NDUFAF2: variants seen among roughly 807,000 people sequenced by gnomAD.
The protein encoded by NDUFAF2 is NADH:ubiquinone oxidoreductase complex assembly factor 2.
Under a neutral mutation model 22.8 loss-of-function variants are expected in NDUFAF2, and 13 were observed. That is an observed-to-expected ratio of 0.57 (90% CI 0.37 to 0.91). The LOEUF (loss-of-function observed/expected upper bound fraction) is 0.91. Among genes scored for constraint, NDUFAF2 ranks in the 40% least tolerant of loss-of-function variants. The pLI is 0.01. For missense variants in NDUFAF2, 162 were observed against 195.2 expected (o/e 0.83, Z 1.01); for synonymous variants, 53 against 64.2 (o/e 0.83, Z 0.84).
At chr5:61,067,114 C>T (rs1319114312) in intron 1 of NDUFAF2, among the ~76,000 whole-genome samples, 1 of 151,926 alleles carries the variant, frequency 6.6e-6, no homozygotes, top group African/African-American at 2.4e-5. Context: ...AAAGGGATAA[C>T]TGTGAGATGA....
At chr5:61,003,753 T>G (rs1263893403) in intron 1 of NDUFAF2, among the ~76,000 whole-genome samples, 1 of 151,402 alleles carries the variant, frequency 6.6e-6, no homozygotes, top group South Asian at 2.1e-4. Flanking sequence ...TGGTCTCAAG[T>G]GATTCTTCCT....
intron 1 of NDUFAF2, among the ~76,000 whole-genome samples, chr5:60,970,656 G>A (rs1008201208): frequency 1.4e-4 from 22 of 152,170 alleles, no homozygotes; most frequent in African/African-American, 4.1e-4. Context: ...ATAATTTGAC[G>A]TCTTCCTTTT....
chr5:61,081,459 A>G (rs905595554), intron 2 of NDUFAF2, among the ~76,000 whole-genome samples: 1 of 152,330 alleles, frequency 6.6e-6, no homozygotes, highest in Admixed American at 6.5e-5. Context: ...AAAAAGTGTC[A>G]GAACTGACTC....
chr5:61,092,235 T>C (rs550845792), intron 2 of NDUFAF2, among the ~76,000 whole-genome samples: 52 of 152,328 alleles, frequency 3.4e-4, no homozygotes, highest in Middle Eastern at 6.8e-3. Context: ...CTAAAATATT[T>C]TTTTCTAGTT....
At chr5:60,981,250 A>G (rs1750973384) in intron 1 of NDUFAF2, among the ~76,000 whole-genome samples, 1 of 152,206 alleles carries the variant, frequency 6.6e-6, no homozygotes. Flanking sequence ...ACTTTTCAGT[A>G]AAAACCTTAC....
intron 1 of NDUFAF2, among the ~76,000 whole-genome samples, chr5:61,067,897 T>G (rs1049232495): frequency 6.6e-6 from 1 of 152,184 alleles, no homozygotes; most frequent in African/African-American, 2.4e-5. Flanking sequence ...GATTTGCATT[T>G]CTCTGATGGC....
At chr5:61,008,221 G>A (rs1445678944) in intron 1 of NDUFAF2, among the ~76,000 whole-genome samples, 2 of 151,636 alleles carry the variant, frequency 1.3e-5, no homozygotes, top group Admixed American at 6.6e-5. Context: ...GTTAATGGGT[G>A]CAGCGCACCA....
At chr5:61,051,696 G>A (rs1291313149) in intron 1 of NDUFAF2, among the ~76,000 whole-genome samples, 2 of 151,992 alleles carry the variant, frequency 1.3e-5, no homozygotes, top group African/African-American at 4.8e-5. Flanking sequence ...TGTTAGAATT[G>A]TGGTACAATA....
At chr5:60,985,083 G>T (rs1427922940) in intron 1 of NDUFAF2, among the ~76,000 whole-genome samples, 1 of 152,166 alleles carries the variant, frequency 6.6e-6, no homozygotes, top group Non-Finnish European at 1.5e-5. Context: ...CCTGTTATTG[G>T]TCTATTCAGA....
intron 2 of NDUFAF2, among the ~76,000 whole-genome samples, chr5:61,090,307 ATGT>A (rs1171994600): frequency 6.6e-6 from 1 of 152,032 alleles, no homozygotes; most frequent in Non-Finnish European, 1.5e-5. Context: ...CTCAACTCTA[ATGT>A]TGTAGCACAG....
chr5:61,026,699 T>A (rs1019865488), intron 1 of NDUFAF2, among the ~76,000 whole-genome samples: 1 of 152,098 alleles, frequency 6.6e-6, no homozygotes, highest in Non-Finnish European at 1.5e-5. Context: ...AAATGTGTTT[T>A]AAAAATTTTT....
At chr5:61,100,685 C>T (rs1752694975) in intron 3 of NDUFAF2, among the ~76,000 whole-genome samples, 1 of 152,218 alleles carries the variant, frequency 6.6e-6, no homozygotes, top group South Asian at 2.1e-4. Flanking sequence ...CAACTGAAAT[C>T]CGTCTGTGCC....
Position 61,040,294 on chromosome 5 carries a change from G to A in NDUFAF2, c.128-32831G>A, listed in dbSNP as rs377654750. Among the ~76,000 whole-genome samples the A allele has an allele frequency of 1.8e-3, 237 of 128,352 alleles. 5 individuals are homozygous for A. Among genetic ancestry groups the A allele is most frequent in the Admixed American group, 0.017 (208 of 12,292 alleles). 84.2% of individuals were successfully genotyped at this position (128,352 alleles called of 152,430 possible). A position where few individuals can be genotyped will look rare whatever the true frequency, so the allele number is the denominator to read the frequency against. On this transcript the variant is annotated intron_variant, in intron 1 of 3. Transcript: ENST00000296597. ...CACACACACACACACACACGCGCGC[G>A]CGCGCGCGAAAGTTGAAAGCAGAGA...
intron 1 of NDUFAF2, among the ~76,000 whole-genome samples, chr5:61,041,260 A>G (rs1040022918): frequency 2.6e-5 from 4 of 152,296 alleles, no homozygotes; most frequent in South Asian, 2.1e-4. Flanking sequence ...TCTTATCTCA[A>G]TGTAAACATA....
chr5:61,070,743 A>T (rs1752287096), intron 1 of NDUFAF2, among the ~76,000 whole-genome samples: 1 of 152,100 alleles, frequency 6.6e-6, no homozygotes, highest in Admixed American at 6.5e-5. Context: ...TTTGTTGCAG[A>T]TATGCCTGTA....
chr5:61,012,037 G>A (rs746493799), intron 1 of NDUFAF2, among the ~76,000 whole-genome samples: 22 of 151,998 alleles, frequency 1.4e-4, no homozygotes, highest in African/African-American at 5.1e-4. Flanking sequence ...CTCAATTAAC[G>A]TCTTTAAAGC....
chr5:61,006,706 G>C (rs1176091968), intron 1 of NDUFAF2, among the ~76,000 whole-genome samples: 1 of 152,080 alleles, frequency 6.6e-6, no homozygotes. Flanking sequence ...TTAAGCAATT[G>C]TGAATTAGAA....
At chr5:61,045,111 TA>T (rs1751932965) in intron 1 of NDUFAF2, among the ~76,000 whole-genome samples, 1 of 138,112 alleles carries the variant, frequency 7.2e-6, no homozygotes. Context: ...TATTAAAATT[TA>T]ATAAAATAAA....
chr5:61,012,321 C>T (rs774760976), intron 1 of NDUFAF2, among the ~76,000 whole-genome samples: 8 of 151,862 alleles, frequency 5.3e-5, no homozygotes, highest in Non-Finnish European at 1.0e-4. Context: ...AGATCTTCTA[C>T]AGAACTCTCA....
Sources: gnomAD v4.1 joint callset for allele counts (sites outside exome capture counted in the v4.1 genomes callset) on GRCh38, gnomAD v4.1.1 for gene constraint, MANE v1.5 for transcripts, NCBI Gene and HGNC (gene_info 2026-07-23, HGNC 2026-07-21) for gene names.